LARP7: variants seen among roughly 807,000 people sequenced by gnomAD.
LARP7 encodes the protein La ribonucleoprotein 7, transcriptional regulator.
In LARP7, 52 loss-of-function variants were observed where a neutral mutation model predicts 69.3. The ratio of observed to expected loss-of-function variants is 0.75; its 90% CI spans 0.60 to 0.95. LARP7 has a LOEUF of 0.95. LARP7 is among the 40% of genes least tolerant of loss of function. LARP7 has a pLI of 0.00. For missense variants in LARP7, 733 were observed against 673.0 expected, an observed-to-expected ratio of 1.09 and a Z score of -0.99; for synonymous variants, 254 against 215.9, an observed-to-expected ratio of 1.18 and a Z score of -1.55.
rs542362170 is a variant in LARP7 at position 112,645,571 on chromosome 4, T to C, written c.202+700T>C. The stretch of plus-strand genomic sequence containing the variant: ...CCTAGGCAGGAATGCACTGGCTCCA[T>C]GTCTGCTCACTCCAACTTCTGCCCC... On this transcript the variant is annotated intron_variant, in intron 2 of 12. Transcript: ENST00000344442. The C allele has an allele frequency of 1.1e-3, 508 of 456,218 alleles. 5 individuals carry two copies. The highest frequency in any genetic ancestry group is 7.7e-3 in the South Asian group (499 of 64,568). 28.3% of individuals were successfully genotyped at this position (456,218 alleles called of 1,614,324 possible).
At chr4:112,644,233 A>G (rs2048071485) in intron 1 of LARP7, 1 of 192,396 alleles carries the variant, frequency 5.2e-6, no homozygotes, top group African/African-American at 2.6e-5. Context: ...CAAAAGGGAA[A>G]CTGTCTCCAA....
intron 12 of LARP7, 117 bp from the exon 13 acceptor site, chr4:112,657,130 A>G: frequency 2.2e-6 from 1 of 447,284 alleles, no homozygotes; most frequent in Non-Finnish European, 4.0e-6. Context: ...AAAAATTTCC[A>G]TTTAAGCTGA....
rs41279309 is a variant in LARP7 at position 112,647,961 on chromosome 4, C to A, written c.1142+127C>A. The A allele has an allele frequency of 5.1e-3, 4,011 of 783,722 alleles. 25 individuals are homozygous for A. Among genetic ancestry groups the A allele is most frequent in the Non-Finnish European group, 7.3e-3 (3,183 of 434,206 alleles). The allele number at this position is 783,722 out of a possible 1,614,324, so 48.5% of individuals were successfully genotyped here. A position where few individuals can be genotyped will look rare whatever the true frequency, so the allele number is the denominator to read the frequency against. On this transcript the variant is annotated intron_variant, in intron 8 of 12. Coordinates refer to ENST00000344442, the MANE Select transcript of LARP7 (RefSeq NM_016648.4). Reference sequence around the variant, plus strand: ...TAATGGCCTGTAGCCAAGAACTGCACACAGTGTGGGCGTTAACGCAATTGC... The same window carrying A: ...TAATGGCCTGTAGCCAAGAACTGCAAACAGTGTGGGCGTTAACGCAATTGC...
rs1129065 is a variant in LARP7 at position 112,657,453 on chromosome 4, C to T, written c.*126C>T. 0.17 allele frequency: 73,875 copies of T among 432,032 alleles called. 8,326 individuals are homozygous for T. The highest frequency in any genetic ancestry group is 0.51 in the East Asian group (13,627 of 26,694). The allele number at this position is 432,032 out of a possible 1,614,324, so 26.8% of individuals were successfully genotyped here. A position where few individuals can be genotyped will look rare whatever the true frequency, so the allele number is the denominator to read the frequency against. On this transcript the variant is annotated 3_prime_UTR_variant, in exon 13 of 13. Coordinates refer to ENST00000344442, the MANE Select transcript of LARP7 (RefSeq NM_016648.4). ...AATTAAAAGAAATATCTTTGTTCCT[C>T]AACTTGTAAATAAGACTTTTTTCTA... is the stretch of plus-strand genomic sequence containing the variant.
chr4:112,643,913 T>G (rs971220270), intron 1 of LARP7, among the ~76,000 whole-genome samples: 8 of 151,782 alleles, frequency 5.3e-5, no homozygotes, highest in Non-Finnish European at 1.0e-4. Context: ...GCTTACCAGT[T>G]GAATTCTGCC....
chr4:112,653,402 C>T (rs1225930666), intron 11 of LARP7, among the ~76,000 whole-genome samples, 166 bp downstream of exon 11: 1 of 152,170 alleles, frequency 6.6e-6, no homozygotes, highest in African/African-American at 2.4e-5. Flanking sequence ...CTCCACCTCC[C>T]AGTTTCAAGC....
intron 1 of LARP7, among the ~76,000 whole-genome samples, chr4:112,639,233 G>T (rs1392324587): frequency 7.2e-6 from 1 of 139,168 alleles, no homozygotes; most frequent in Non-Finnish European, 1.5e-5. Flanking sequence ...TTTTTGAGAC[G>T]GAGTCTTGCC....
intron 12 of LARP7, among the ~76,000 whole-genome samples, chr4:112,656,554 C>T (rs924537928): frequency 6.6e-6 from 1 of 152,150 alleles, no homozygotes; most frequent in Admixed American, 6.5e-5. Flanking sequence ...TGATTTTGAA[C>T]ACATTGGTAA....
Position 112,650,581 on chromosome 4 carries a change from G to A in LARP7, c.1415G>A (p.Arg472Gln), listed in dbSNP as rs1317929502. 6.8e-6 allele frequency: 11 copies of A among 1,611,858 alleles called. No individual in the cohort carries two copies. Among genetic ancestry groups the A allele is most frequent in the Middle Eastern group, 3.3e-4 (2 of 6,076 alleles). ...CCTCTACCTGGCAGGAAACAAGTCC[G>A]GGTAATGATTTTGAGCCCCTAGGGT... ...TEPLPGRKQV[R>Q]DTLAAISEVL... The change falls in exon 10 of 13, where the codon CGG (arginine) becomes CAG (glutamine). Residue 472 changes from arginine to glutamine, a missense_variant and splice_region_variant. Coordinates refer to ENST00000344442, the MANE Select transcript of LARP7 (RefSeq NM_016648.4).
chr4:112,637,183 A>T lies in LARP7; in HGVS notation c.-59A>T, dbSNP rs949881515. 1 of 152,216 alleles carries T rather than the reference A, an allele frequency of 6.6e-6. No individual in the cohort carries two copies. Among genetic ancestry groups the T allele is most frequent in the Non-Finnish European group, 1.5e-5 (1 of 68,044 alleles). 9.4% of individuals were successfully genotyped at this position (152,216 alleles called of 1,614,324 possible). ...AGTAACCGAGACTATCAGGATCCGG[A>T]GACGGAAATGTCCGAAGGCCGCAGT... On this transcript the variant is annotated 5_prime_UTR_variant, in exon 1 of 13. Transcript: ENST00000344442.
At chr4:112,657,203 T>TA (rs1560956691) in intron 12 of LARP7, 44 bp from the exon 13 acceptor site, 3 of 971,846 alleles carry the variant, frequency 3.1e-6, no homozygotes, top group African/African-American at 3.4e-5. Flanking sequence ...TGTGTGTGTT[T>TA]TGAGTATCCA....
intron 6 of LARP7, 25 bp downstream of exon 6, chr4:112,647,152 A>C (rs1262960959): frequency 2.5e-6 from 4 of 1,597,460 alleles, no homozygotes; most frequent in Non-Finnish European, 3.4e-6. Context: ...ATATTTAAAT[A>C]GGTGTAGTTG....
chr4:112,657,170 T>TTGTGTGTA (rs1554014297), intron 12 of LARP7, 77 bp from the exon 13 acceptor site: 9 of 516,944 alleles, frequency 1.7e-5, no homozygotes, highest in Non-Finnish European at 2.8e-5. Flanking sequence ...AGTCATAGTT[T>TTGTGTGTA]TGTGTGTGTG....
chr4:112,649,731 T>A, intron 9 of LARP7, 45 bp downstream of exon 9: 1 of 1,277,348 alleles, frequency 7.8e-7, no homozygotes, highest in Non-Finnish European at 1.1e-6. Context: ...TGTACTTATA[T>A]ATGTAAATGC....
At chr4:112,652,425 A>C (rs1166620602) in intron 10 of LARP7, among the ~76,000 whole-genome samples, 1 of 152,010 alleles carries the variant, frequency 6.6e-6, no homozygotes, top group East Asian at 1.9e-4. Flanking sequence ...GTGAAAAAAA[A>C]AGTTGATTAA....
chr4:112,655,407 A>C (rs2048915401), intron 12 of LARP7: 1 of 152,184 alleles, frequency 6.6e-6, no homozygotes, highest in African/African-American at 2.4e-5. Context: ...TTGGAACACA[A>C]CTCAGTTATG....
chr4:112,642,791 C>T (rs563238552), intron 1 of LARP7, among the ~76,000 whole-genome samples: 1 of 152,342 alleles, frequency 6.6e-6, no homozygotes, highest in African/African-American at 2.4e-5. Flanking sequence ...CACTTTGACA[C>T]GTGAAAGCTT....
At position 112,647,830 on chromosome 4, in the gene LARP7, T is replaced by C. The variant is rs1439916167; in HGVS notation, c.1138T>C (p.Ser380Pro). ...GEEVIPLRVL[S>P]KSEWMDLKKE... ...AGAAGTTATACCATTAAGAGTGCTA[T>C]CAAAGTAAGTCTGTGGTTTAAATTC... The change falls in exon 8 of 13, where the codon TCA becomes CCA. Residue 380 changes from serine to proline, a missense_variant. Coordinates refer to ENST00000344442, the MANE Select transcript of LARP7 (RefSeq NM_016648.4). 1 of 1,585,790 alleles carries C rather than the reference T, an allele frequency of 6.3e-7. No individual in the cohort carries two copies. The highest frequency in any genetic ancestry group is 2.2e-5 in the East Asian group (1 of 44,518).
In LARP7 at chr4:112,650,568, A is replaced by G; in HGVS notation, c.1402A>G (p.Arg468Gly). ...CATTAGCACAGAGCCTCTACCTGGC[A>G]GGAAACAAGTCCGGGTAATGATTTT... The part of the protein sequence containing the change: ...KIISTEPLPG[R>G]KQVRDTLAAI... Residue 468 changes from arginine to glycine, a missense_variant, in exon 10 of 13, where the codon AGG (arginine) becomes GGG (glycine). Coordinates refer to ENST00000344442, the MANE Select transcript of LARP7 (RefSeq NM_016648.4). 1 of 1,613,502 alleles carries G rather than the reference A, an allele frequency of 6.2e-7. No individual in the cohort carries two copies. Among genetic ancestry groups the G allele is most frequent in the African/African-American group, 1.3e-5 (1 of 75,048 alleles).
Sources: gnomAD v4.1 joint callset for allele counts (sites outside exome capture counted in the v4.1 genomes callset) on GRCh38, gnomAD v4.1.1 for gene constraint, MANE v1.5 for transcripts, NCBI Gene and HGNC (gene_info 2026-07-23, HGNC 2026-07-21) for gene names.